Variants in MYO5B observed in about 807,000 individuals in gnomAD.
The protein encoded by MYO5B is myosin VB, also known as unconventional myosin-Vb.
A neutral mutation model predicts 229.3 loss-of-function variants in MYO5B; 143 were observed. That is an observed-to-expected ratio of 0.62 (90% CI 0.54 to 0.72). The LOEUF is 0.72. MYO5B is among the 30% of genes least tolerant of loss of function. The pLI is 0.00. For missense variants in MYO5B, 2,321 were observed against 2,331.0 expected, an observed-to-expected ratio of 1.00 and a Z score of 0.09; for synonymous variants, 918 against 885.2, an observed-to-expected ratio of 1.04 and a Z score of -0.66.
rs551073143 is a variant in MYO5B at position 49,937,171 on chromosome 18, C to A, written c.1905+74G>T. 1.5e-4 allele frequency: 240 copies of A among 1,561,426 alleles called. 3 individuals carry two copies. In the South Asian group the frequency reaches 2.5e-3, roughly 16 times the overall value. ...CTGTGATGGCTTCCCTCTCACCCTG[C>A]CGCCATCCTTCATCTACAGAGAGGC... On this transcript the variant is annotated intron_variant, in intron 15 of 39. Coordinates refer to ENST00000285039, the MANE Select transcript of MYO5B (RefSeq NM_001080467.3).
At chr18:49,864,401 C>G (rs747677308) in intron 27 of MYO5B, 21 bp from the exon 28 acceptor site, 1 of 1,611,792 alleles carries the variant, frequency 6.2e-7, no homozygotes, top group Non-Finnish European at 8.5e-7. Flanking sequence ...GCCCAAGGGC[C>G]GCTGCCATTA....
At chr18:50,112,710 C>G (rs1331475813) in intron 1 of MYO5B, among the ~76,000 whole-genome samples, 1 of 152,218 alleles carries the variant, frequency 6.6e-6, no homozygotes, top group Admixed American at 6.5e-5. Context: ...AGCTGGTACA[C>G]AGTAGCAGCT....
At chr18:50,004,942 G>A (rs1227742901) in intron 4 of MYO5B, among the ~76,000 whole-genome samples, 1 of 152,212 alleles carries the variant, frequency 6.6e-6, no homozygotes, top group Non-Finnish European at 1.5e-5. Context: ...CCGCACCACT[G>A]ATTAGCTGTC....
At chr18:50,078,967 G>A (rs1285748018) in intron 1 of MYO5B, among the ~76,000 whole-genome samples, 1 of 152,242 alleles carries the variant, frequency 6.6e-6, no homozygotes, top group Non-Finnish European at 1.5e-5. Flanking sequence ...CATTTATAAT[G>A]TGGACATAAG....
intron 17 of MYO5B, among the ~76,000 whole-genome samples, chr18:49,914,223 G>C (rs1215890991): frequency 7.2e-5 from 11 of 152,128 alleles, no homozygotes; most frequent in Non-Finnish European, 1.5e-4. Flanking sequence ...TGGGGCTAGA[G>C]CCCAAAAGGG....
chr18:50,077,502 A>ACACACACAC (rs2031114450), intron 1 of MYO5B, among the ~76,000 whole-genome samples: 4 of 133,514 alleles, frequency 3.0e-5, no homozygotes, highest in Admixed American at 7.6e-5. Context: ...CACACACACA[A>ACACACACAC]ACACACACAC....
chr18:49,889,039 G>A (rs566891652), intron 22 of MYO5B, among the ~76,000 whole-genome samples: 33 of 152,302 alleles, frequency 2.2e-4, no homozygotes, highest in African/African-American at 7.7e-4. Flanking sequence ...CCAGGCCACC[G>A]CCAGCACCTG....
chr18:50,162,904 C>T (rs1382065397), intron 1 of MYO5B, among the ~76,000 whole-genome samples: 1 of 152,222 alleles, frequency 6.6e-6, no homozygotes, highest in Non-Finnish European at 1.5e-5. Flanking sequence ...GCATCTCCCT[C>T]CCACATTCCA....
intron 26 of MYO5B, among the ~76,000 whole-genome samples, chr18:49,872,544 G>C (rs2024468322): frequency 6.6e-6 from 1 of 152,034 alleles, no homozygotes; most frequent in Non-Finnish European, 1.5e-5. Flanking sequence ...ATGATATTCT[G>C]AAGTCCTCAC....
intron 5 of MYO5B, among the ~76,000 whole-genome samples, chr18:49,994,112 T>C (rs2025961541): frequency 6.6e-6 from 1 of 152,148 alleles, no homozygotes; most frequent in South Asian, 2.1e-4. Context: ...TCGATGTCGC[T>C]TCTTCAGGCA....
chr18:50,160,293 G>C (rs1418304209), intron 1 of MYO5B, among the ~76,000 whole-genome samples: 1 of 152,216 alleles, frequency 6.6e-6, no homozygotes, highest in African/African-American at 2.4e-5. Flanking sequence ...CAAGGCTGTG[G>C]AGCAGACTCT....
At chr18:49,867,871 G>A (rs1261298194) in intron 27 of MYO5B, among the ~76,000 whole-genome samples, 1 of 152,154 alleles carries the variant, frequency 6.6e-6, no homozygotes, top group Non-Finnish European at 1.5e-5. Context: ...AATGGATACA[G>A]CTTGTTTTAA....
chr18:49,865,183 C>A (rs2024382067), intron 27 of MYO5B, among the ~76,000 whole-genome samples: 1 of 152,132 alleles, frequency 6.6e-6, no homozygotes, highest in Non-Finnish European at 1.5e-5. Context: ...ATGATGGAAC[C>A]AGGGGACCGC....
chr18:50,103,999 TA>T (rs34686037), intron 1 of MYO5B, among the ~76,000 whole-genome samples: 7,863 of 131,778 alleles, frequency 0.06, 508 homozygotes, highest in African/African-American at 0.17. Context: ...CCATCTCCAT[TA>T]AAAAAAAAAA....
chr18:50,103,766 A>G lies in MYO5B; in HGVS notation c.28-48388T>C, dbSNP rs561173155. 2.0e-5 allele frequency among the ~76,000 whole-genome samples: 3 copies of G among 151,906 alleles called. No individual in the cohort carries two copies. In the East Asian group the frequency reaches 5.8e-4, roughly 30 times the overall value. ...CTCATCTGCCCCCACCAAAACAAAA[A>G]ACAGATTCCAAACACCTAGGAACTC... On this transcript the variant is annotated intron_variant, in intron 1 of 39. Transcript: ENST00000285039.
intron 18 of MYO5B, among the ~76,000 whole-genome samples, chr18:49,911,200 C>T (rs536640870): frequency 2.0e-5 from 3 of 152,300 alleles, no homozygotes; most frequent in East Asian, 1.9e-4. Flanking sequence ...ACCAGATGGG[C>T]CGTGCTATGT....
intron 14 of MYO5B, among the ~76,000 whole-genome samples, chr18:49,945,849 C>T (rs1267287301): frequency 3.9e-5 from 6 of 151,988 alleles, no homozygotes; most frequent in African/African-American, 1.2e-4. Flanking sequence ...CAAAGTGGCC[C>T]GTCAGACTGG....
chr18:50,133,057 A>G (rs914968110), intron 1 of MYO5B, among the ~76,000 whole-genome samples: 1 of 152,196 alleles, frequency 6.6e-6, no homozygotes, highest in East Asian at 1.9e-4. Flanking sequence ...ATGATTCTCC[A>G]AGACCAGTCT....
chr18:49,880,633 AAC>A (rs2024576375), intron 22 of MYO5B, 178 bp from the exon 23 acceptor site: 3 of 642,692 alleles, frequency 4.7e-6, no homozygotes, highest in Non-Finnish European at 8.4e-6. Context: ...ATCCCATTAA[AAC>A]AAGACAGATG....
Sources: allele counts gnomAD v4.1 joint callset (sites outside exome capture counted in the v4.1 genomes callset), GRCh38; gene constraint gnomAD v4.1.1; transcripts MANE v1.5; gene names NCBI Gene and HGNC (gene_info 2026-07-23, HGNC 2026-07-21).